KPNA7: variants seen among roughly 807,000 people sequenced by gnomAD.
The protein encoded by KPNA7 is karyopherin subunit alpha 7, also known as importin subunit alpha-8.
KPNA7 carries 54 observed loss-of-function variants against 53.7 expected under a neutral mutation model. The ratio of observed to expected loss-of-function variants is 1.01; its 90% CI spans 0.81 to 1.26. The LOEUF is 1.26. KPNA7 is among the 50% of genes most tolerant of loss of function. The pLI is 0.00. For synonymous variants in KPNA7, 276 were observed against 259.3 expected, an observed-to-expected ratio of 1.06 and a Z score of -0.62; for missense variants, 640 against 644.5, an observed-to-expected ratio of 0.99 and a Z score of 0.07.
At chr7:99,151,099 TATTA>T in the KPNA7 span, among the ~76,000 whole-genome samples, 1 of 152,150 alleles carries the variant, frequency 6.6e-6, no homozygotes, top group African/African-American at 2.4e-5. Flanking sequence ...GCTAGGTAAT[TATTA>T]GTTACTATTC....
intron 6 of KPNA7, 123 bp from the exon 7 acceptor site, chr7:99,188,686 AT>A: frequency 9.3e-7 from 1 of 1,073,996 alleles, no homozygotes. Flanking sequence ...TTAAAATTTT[AT>A]TTATTATTTT....
the KPNA7 span, among the ~76,000 whole-genome samples, chr7:99,157,212 A>G: frequency 2.6e-5 from 4 of 151,912 alleles, no homozygotes; most frequent in Admixed American, 2.6e-4. Context: ...TTTCTTTTCC[A>G]TGATGCCAAT....
At chr7:99,196,198 T>C (rs1437270448) in intron 3 of KPNA7, 32 bp from the exon 4 acceptor site, 13 of 1,480,916 alleles carry the variant, frequency 8.8e-6, no homozygotes, top group Non-Finnish European at 1.1e-5. Flanking sequence ...GGTCAGACTG[T>C]CTGCCAAAAT....
chr7:99,218,888 A>T (rs1051901037), intron 1 of KPNA7, among the ~76,000 whole-genome samples: 4 of 152,248 alleles, frequency 2.6e-5, no homozygotes, highest in Non-Finnish European at 5.9e-5. Flanking sequence ...GGACTCAGCC[A>T]CGTCTGGAGC....
At chr7:99,189,318 G>A (rs576562675) in intron 6 of KPNA7, among the ~76,000 whole-genome samples, 2 of 151,970 alleles carry the variant, frequency 1.3e-5, no homozygotes, top group Non-Finnish European at 2.9e-5. Flanking sequence ...TAGAGACAGG[G>A]GTCTTGCTAT....
chr7:99,185,300 T>TG (rs1789523619), intron 7 of KPNA7, 138 bp from the exon 8 acceptor site: 7 of 654,432 alleles, frequency 1.1e-5, no homozygotes, highest in Non-Finnish European at 1.9e-5. Context: ...ACAGGAATTG[T>TG]ATCTGTGATC....
intron 8 of KPNA7, among the ~76,000 whole-genome samples, chr7:99,183,842 T>C (rs983880184): frequency 6.6e-6 from 1 of 152,066 alleles, no homozygotes; most frequent in Non-Finnish European, 1.5e-5. Flanking sequence ...GGAGAAATAA[T>C]GTTTTTTTGT....
intron 3 of KPNA7, 123 bp from the exon 4 acceptor site, chr7:99,196,289 G>A: frequency 1.5e-6 from 1 of 671,034 alleles, no homozygotes; most frequent in Admixed American, 2.3e-5. Flanking sequence ...CATCTTGCAT[G>A]CTGTTCTATA....
At chr7:99,177,528 T>C (rs575855423) in intron 10 of KPNA7, among the ~76,000 whole-genome samples, 73 of 129,290 alleles carry the variant, frequency 5.6e-4, no homozygotes, top group Non-Finnish European at 9.8e-4. Flanking sequence ...TGAGCTGAGA[T>C]GGCGCCTCTG....
chr7:99,207,352 G>T, intron 2 of KPNA7, 49 bp downstream of exon 2: 1 of 1,497,022 alleles, frequency 6.7e-7, no homozygotes, highest in Non-Finnish European at 9.1e-7. Context: ...CGCTTTTTAT[G>T]CAGATTGCAC....
chr7:99,170,676 C>A (rs757260777), downstream of KPNA7, among the ~76,000 whole-genome samples: 1 of 152,086 alleles, frequency 6.6e-6, no homozygotes, highest in East Asian at 1.9e-4. Context: ...TTCTAGACTG[C>A]AAGGCTGATA....
In KPNA7 at chr7:99,179,558, A is replaced by AAT. The variant is rs34519884; in HGVS notation, c.1318-1494_1318-1493dup. ...GTGACAGAGTGAGATCCTGTTTCAA[A>AAT]ATATATATATATATTTATATTATTT... On this transcript the variant is annotated intron_variant, in intron 9 of 10. Coordinates refer to ENST00000327442, the MANE Select transcript of KPNA7 (RefSeq NM_001145715.3). 7.1e-3 allele frequency among the ~76,000 whole-genome samples: 1,061 copies of AAT among 150,322 alleles called. 11 individuals carry two copies. Among genetic ancestry groups the AAT allele is most frequent in the Middle Eastern group, 0.024 (7 of 286 alleles).
intron 1 of KPNA7, among the ~76,000 whole-genome samples, chr7:99,218,161 G>A (rs527888672): frequency 6.6e-6 from 1 of 152,130 alleles, no homozygotes; most frequent in South Asian, 2.1e-4. Flanking sequence ...CATCACACCT[G>A]GCTAATTTTT....
At chr7:99,184,295 C>T (rs1164377049) in intron 8 of KPNA7, among the ~76,000 whole-genome samples, 11 of 151,932 alleles carry the variant, frequency 7.2e-5, no homozygotes, top group South Asian at 2.1e-4. Flanking sequence ...GCTGGGACTA[C>T]AGGCATATGC....
chr7:99,180,632 TCTCTCTCTCC>T (rs1799142400), intron 9 of KPNA7, among the ~76,000 whole-genome samples: 1 of 75,602 alleles, frequency 1.3e-5, no homozygotes, highest in African/African-American at 5.1e-5. Flanking sequence ...TCTCTCCCCG[TCTCTCTCTCC>T]GTCTCTGTCT....
chr7:99,194,086 G>A (rs1415519952), intron 5 of KPNA7, among the ~76,000 whole-genome samples: 2 of 152,096 alleles, frequency 1.3e-5, no homozygotes, highest in East Asian at 1.9e-4. Context: ...ACTCAGTCAC[G>A]GGAGTTATTG....
At chr7:99,178,152 C>T (rs779628117) in intron 9 of KPNA7, 86 bp from the exon 10 acceptor site, 122 of 1,206,946 alleles carry the variant, frequency 1.0e-4, no homozygotes, top group Admixed American at 3.8e-4. Flanking sequence ...GGAGCTGCCC[C>T]GAGTGGAAGC....
chr7:99,180,419 T>A (rs1180240324), intron 9 of KPNA7, among the ~76,000 whole-genome samples: 2 of 152,094 alleles, frequency 1.3e-5, no homozygotes, highest in African/African-American at 4.8e-5. Flanking sequence ...GGAGGATTGC[T>A]TGAGCCCAGG....
chr7:99,171,654 A>T (rs1798773876), downstream of KPNA7, among the ~76,000 whole-genome samples: 1 of 152,178 alleles, frequency 6.6e-6, no homozygotes, highest in Admixed American at 6.6e-5. Flanking sequence ...CCAGCTACTC[A>T]AGAGGCTGAG....
Sources: gnomAD v4.1 joint callset for allele counts (sites outside exome capture counted in the v4.1 genomes callset) on GRCh38, gnomAD v4.1.1 for gene constraint, MANE v1.5 for transcripts, NCBI Gene and HGNC (gene_info 2026-07-23, HGNC 2026-07-21) for gene names.